RPS6KA2: variants seen among roughly 807,000 people sequenced by gnomAD.
RPS6KA2 encodes ribosomal protein S6 kinase alpha-2.
Under a neutral mutation model 91.8 loss-of-function variants are expected in RPS6KA2, and 42 were observed. That is an observed-to-expected ratio of 0.46 (90% CI 0.36 to 0.59). The LOEUF (loss-of-function observed/expected upper bound fraction) is 0.59, where lower values mean the gene tolerates loss of function less well. Among genes scored for constraint, RPS6KA2 ranks in the 20% least tolerant of loss-of-function variants. The probability of loss-of-function intolerance (pLI) is 0.00; values close to 1 mark genes in which losing one functional copy is unlikely to be tolerated. For synonymous variants in RPS6KA2, 414 were observed against 393.6 expected (o/e 1.05, Z -0.61); for missense variants, 798 against 978.5 (o/e 0.82, Z 2.46).
chr6:166,715,532 G>A (rs1789983844), intron 2 of RPS6KA2, among the ~76,000 whole-genome samples: 1 of 152,212 alleles, frequency 6.6e-6, no homozygotes, highest in Admixed American at 6.5e-5. Context: ...TCCAACAACA[G>A]ATGCAAGCAC....
chr6:166,787,999 C>G (rs1778977744), intron 2 of RPS6KA2, among the ~76,000 whole-genome samples: 1 of 145,440 alleles, frequency 6.9e-6, no homozygotes, highest in East Asian at 2.0e-4. Flanking sequence ...AAAAACCAAC[C>G]CATCAAAAAG....
At position 166,496,102 on chromosome 6, in the gene RPS6KA2, G is replaced by A. The variant is rs1053132103; in HGVS notation, c.747+2406C>T. On this transcript the variant is annotated intron_variant, in intron 8 of 20. Transcript: ENST00000265678. The stretch of plus-strand genomic sequence containing the variant: ...GTGGTGGCTCACGCCTGCAACCCTA[G>A]CACTTCTGGAGGCCGAGGCTGGCAG... Among the ~76,000 whole-genome samples, 61 of 152,224 alleles carry A rather than the reference G, an allele frequency of 4.0e-4. 1 individual carries two copies. The highest frequency in any genetic ancestry group is 1.4e-3 in the African/African-American group (57 of 41,448).
rs116159701 is a variant in RPS6KA2 at position 166,570,360 on chromosome 6, C to G, written c.100-31576G>C. ...TCCCCTTCCACTGTCCTGCATGCCC[C>G]GAAGCTGTTTCTGACAGCTGCACCC... On this transcript the variant is annotated intron_variant, in intron 1 of 20. Coordinates refer to ENST00000265678, the MANE Select transcript of RPS6KA2 (RefSeq NM_021135.6). 6.0e-4 allele frequency among the ~76,000 whole-genome samples: 92 copies of G among 152,286 alleles called. 2 individuals carry two copies. The East Asian group carries it at 0.012, about 20-fold the overall frequency.
intron 1 of RPS6KA2, among the ~76,000 whole-genome samples, chr6:166,579,403 T>C (rs138221031): frequency 6.6e-6 from 1 of 152,152 alleles, no homozygotes; most frequent in African/African-American, 2.4e-5. Context: ...ACAGGCCATC[T>C]GGGGAGGAAG....
intron 1 of RPS6KA2, among the ~76,000 whole-genome samples, chr6:166,861,570 T>C (rs1781048067): frequency 6.6e-6 from 1 of 152,252 alleles, no homozygotes; most frequent in East Asian, 1.9e-4. Context: ...TTTCATTATC[T>C]TTTCTGTTTA....
At chr6:166,809,568 A>G (rs1260368262) in intron 2 of RPS6KA2, among the ~76,000 whole-genome samples, 3 of 152,220 alleles carry the variant, frequency 2.0e-5, no homozygotes, top group Non-Finnish European at 4.4e-5. Context: ...AGAAAACCCA[A>G]TGGCTAACAT....
At chr6:166,641,179 T>C (rs1402679745) in intron 2 of RPS6KA2, among the ~76,000 whole-genome samples, 1 of 151,984 alleles carries the variant, frequency 6.6e-6, no homozygotes, top group Non-Finnish European at 1.5e-5. Flanking sequence ...CAAACATAAA[T>C]CACTAAATAA....
chr6:166,607,245 T>C (rs759924149), intron 1 of RPS6KA2, among the ~76,000 whole-genome samples: 2 of 149,226 alleles, frequency 1.3e-5, no homozygotes, highest in Non-Finnish European at 3.0e-5. Context: ...AGCTCAGACA[T>C]AGAGTTGCCA....
At chr6:166,702,368 A>C in intron 2 of RPS6KA2, 3 of 1,609,974 alleles carry the variant, frequency 1.9e-6, no homozygotes, top group Non-Finnish European at 2.6e-6. Flanking sequence ...TTCATCAGGG[A>C]TATAGGCTAC....
intron 10 of RPS6KA2, among the ~76,000 whole-genome samples, chr6:166,483,084 C>T (rs1007570622): frequency 6.6e-6 from 1 of 152,166 alleles, no homozygotes; most frequent in African/African-American, 2.4e-5. Context: ...CTGAAGACTG[C>T]GGGGAGCCTT....
rs184736462 is a variant in RPS6KA2 at position 166,621,924 on chromosome 6, C to T, written c.99+4997G>A. Among the ~76,000 whole-genome samples the T allele has an allele frequency of 2.5e-4, 38 of 152,320 alleles. 1 individual carries two copies. In the East Asian group the frequency reaches 6.9e-3, roughly 28 times the overall value. On this transcript the variant is annotated intron_variant, in intron 1 of 20. Coordinates refer to ENST00000265678, the MANE Select transcript of RPS6KA2 (RefSeq NM_021135.6). ...TGGAAGCTGCCTCAGAGAGTTCATA[C>T]TTCTCCCACCCACTATTAAATTGCC...
intron 2 of RPS6KA2, among the ~76,000 whole-genome samples, chr6:166,717,967 G>A (rs1790059890): frequency 6.6e-6 from 1 of 151,800 alleles, no homozygotes; most frequent in African/African-American, 2.4e-5. Flanking sequence ...TCCTGCGTCA[G>A]CCTCCCACGT....
chr6:166,569,463 GT>G (rs544646285), intron 1 of RPS6KA2, among the ~76,000 whole-genome samples: 29 of 152,188 alleles, frequency 1.9e-4, no homozygotes, highest in South Asian at 1.7e-3. Flanking sequence ...CTTCTGGGTG[GT>G]TTGGGAAAGG....
At chr6:166,820,908 T>C (rs1037008342) in intron 2 of RPS6KA2, among the ~76,000 whole-genome samples, 5 of 152,218 alleles carry the variant, frequency 3.3e-5, no homozygotes, top group African/African-American at 1.2e-4. Context: ...AGGAACATTA[T>C]GTAAAAGCAC....
intron 11 of RPS6KA2, among the ~76,000 whole-genome samples, chr6:166,465,614 A>T (rs763199575): frequency 1.3e-5 from 2 of 152,168 alleles, no homozygotes; most frequent in Non-Finnish European, 2.9e-5. Flanking sequence ...ATGCCTACAC[A>T]TCTTTGCTGG....
rs574060924 is a variant in RPS6KA2, at chr6:166,648,315, G to A, written c.124-109531C>T. 4.6e-5 allele frequency among the ~76,000 whole-genome samples: 7 copies of A among 151,934 alleles called. No homozygotes were observed. In the East Asian group the frequency reaches 1.2e-3, roughly 25 times the overall value. ...TGCACACACACGCATGTATACACAT[G>A]CACACACACATACATGCACACGCTT... On this transcript the variant is annotated intron_variant, in intron 2 of 21. Coordinates refer to the RPS6KA2 transcript ENST00000503859. The surrounding 1 kb of genome is among the most constrained non-coding windows in gnomAD (Gnocchi z 4.8).
chr6:166,831,790 CATAGATAGATG>C (rs1235898585), intron 2 of RPS6KA2, among the ~76,000 whole-genome samples: 4 of 148,550 alleles, frequency 2.7e-5, no homozygotes, highest in Non-Finnish European at 5.9e-5. Context: ...ATGATAGATA[CATAGATAGATG>C]ATAGATAGAT....
intron 1 of RPS6KA2, among the ~76,000 whole-genome samples, chr6:166,606,948 C>G (rs892510388): frequency 6.6e-6 from 1 of 152,058 alleles, no homozygotes; most frequent in African/African-American, 2.4e-5. Context: ...TGAGACCAGC[C>G]TTGACCAACA....
intron 2 of RPS6KA2, among the ~76,000 whole-genome samples, chr6:166,669,795 C>T (rs1456177058): frequency 1.3e-5 from 2 of 152,352 alleles, no homozygotes; most frequent in South Asian, 2.1e-4. Context: ...CCTGCCTCAC[C>T]CCCTCCTCAT....
Sources: allele counts gnomAD v4.1 joint callset (sites outside exome capture counted in the v4.1 genomes callset), GRCh38; gene constraint gnomAD v4.1.1; non-coding constraint Gnocchi (gnomAD v3.1); transcripts MANE v1.5; gene names NCBI Gene and HGNC (gene_info 2026-07-23, HGNC 2026-07-21).